Variants in ATP2C2 observed in about 807,000 individuals in gnomAD.
ATP2C2 encodes the protein ATPase secretory pathway Ca2+ transporting 2.
A neutral mutation model predicts 110.8 loss-of-function variants in ATP2C2; 171 were observed. The observed-to-expected ratio is 1.54, with a 90% CI of 1.36 to 1.75. ATP2C2 has a LOEUF of 1.75. Among genes scored for constraint, ATP2C2 ranks in the 40% most tolerant of loss-of-function variants. The pLI is 0.00. For synonymous variants in ATP2C2, 804 were observed against 508.4 expected, an observed-to-expected ratio of 1.58 and a Z score of -7.82; for missense variants, 1,963 against 1,235.0, an observed-to-expected ratio of 1.59 and a Z score of -8.84.
intron 15 of ATP2C2, among the ~76,000 whole-genome samples, chr16:84,443,701 C>G (rs193269096): frequency 1.4e-3 from 206 of 152,284 alleles, no homozygotes; most frequent in African/African-American, 4.9e-3. Context: ...CACTGAGCAC[C>G]AGGGCTCACT....
intron 11 of ATP2C2, among the ~76,000 whole-genome samples, chr16:84,437,554 T>C (rs1908854485): frequency 6.6e-6 from 1 of 150,798 alleles, no homozygotes; most frequent in African/African-American, 2.5e-5. Context: ...TCTCACTCTG[T>C]CACCAGGCTG....
chr16:84,433,706 C>A (rs1362502452), intron 11 of ATP2C2, among the ~76,000 whole-genome samples: 1 of 150,828 alleles, frequency 6.6e-6, no homozygotes, highest in Non-Finnish European at 1.5e-5. Context: ...ACACACACAC[C>A]CTCCTGCCAA....
At chr16:84,451,017 A>G (rs941315188) in intron 17 of ATP2C2, among the ~76,000 whole-genome samples, 1 of 152,114 alleles carries the variant, frequency 6.6e-6, no homozygotes. Flanking sequence ...GTGGTGTATT[A>G]GTTTATTTTC....
chr16:84,430,870 C>G (rs1264722757), intron 11 of ATP2C2, among the ~76,000 whole-genome samples: 1 of 152,046 alleles, frequency 6.6e-6, no homozygotes, highest in Non-Finnish European at 1.5e-5. Flanking sequence ...ACCACTGAAG[C>G]CTGATCCAAA....
At chr16:84,424,136 A>AG (rs1292538119) in intron 10 of ATP2C2, among the ~76,000 whole-genome samples, 1 of 152,230 alleles carries the variant, frequency 6.6e-6, no homozygotes, top group Non-Finnish European at 1.5e-5. Flanking sequence ...TCTAGTGATG[A>AG]GGGGGGTGCT....
intron 16 of ATP2C2, among the ~76,000 whole-genome samples, chr16:84,446,784 C>G (rs1055848850): frequency 3.3e-5 from 5 of 152,194 alleles, no homozygotes; most frequent in Non-Finnish European, 7.3e-5. Context: ...GATGCAGGTG[C>G]AAATGTTGAG....
At chr16:84,429,191 G>C (rs11641402) in intron 11 of ATP2C2, among the ~76,000 whole-genome samples, 55,412 of 151,846 alleles carry the variant, frequency 0.36, 10,272 homozygotes, top group South Asian at 0.4. Context: ...CACTCTTGTC[G>C]CCCAGGCTGG....
intron 4 of ATP2C2, among the ~76,000 whole-genome samples, chr16:84,408,830 T>G (rs910913302): frequency 6.6e-6 from 1 of 151,964 alleles, no homozygotes; most frequent in Non-Finnish European, 1.5e-5. Flanking sequence ...CTTTGATCCA[T>G]TACCGAGAGG....
intron 18 of ATP2C2, 130 bp from the exon 19 acceptor site, chr16:84,453,008 T>C (rs1376560758): frequency 6.8e-6 from 6 of 876,798 alleles, no homozygotes; most frequent in East Asian, 2.7e-5. Flanking sequence ...CCGTGCAGCA[T>C]GGTAGGTCCT....
At chr16:84,453,647 C>T (rs545973951) in intron 20 of ATP2C2, among the ~76,000 whole-genome samples, 2 of 152,220 alleles carry the variant, frequency 1.3e-5, no homozygotes, top group African/African-American at 4.8e-5. Flanking sequence ...AACACAGTCA[C>T]GGGCCCAGGT....
intron 11 of ATP2C2, among the ~76,000 whole-genome samples, chr16:84,427,233 G>A (rs1357836121): frequency 1.3e-5 from 2 of 152,084 alleles, no homozygotes; most frequent in Non-Finnish European, 2.9e-5. Flanking sequence ...AACCCATGAT[G>A]TAAACAAACT....
intron 11 of ATP2C2, chr16:84,426,096 T>C (rs1474710717): frequency 5.2e-6 from 2 of 382,084 alleles, no homozygotes; most frequent in East Asian, 9.8e-5. Flanking sequence ...ATTAAGAAAA[T>C]AGTTTAATTG....
intron 7 of ATP2C2, among the ~76,000 whole-genome samples, chr16:84,419,683 C>T (rs1567710817): frequency 2.6e-5 from 4 of 152,092 alleles, no homozygotes; most frequent in African/African-American, 9.7e-5. Context: ...ATCCACATCG[C>T]TCATTCATTC....
chr16:84,411,194 A>C (rs1906254396), intron 6 of ATP2C2, among the ~76,000 whole-genome samples: 1 of 152,190 alleles, frequency 6.6e-6, no homozygotes, highest in Non-Finnish European at 1.5e-5. Context: ...CATTGGCTGC[A>C]GCATAGGGTA....
In ATP2C2 at chr16:84,451,944, G is replaced by A. The variant is rs200318788; in HGVS notation, c.1684G>A (p.Glu562Lys). 1.1e-3 allele frequency: 1,776 copies of A among 1,613,978 alleles called. 2 individuals are homozygous for A. The highest frequency in any genetic ancestry group is 1.2e-3 in the Non-Finnish European group (1,473 of 1,179,988). ...LRVLALASGP[E>K]LGRLTFLGLV... ...AGTGCTGGCCCTGGCTTCTGGGCCC[G>A]AGCTGGGGCGGCTGACGTTTCTCGG... Residue 562 changes from glutamate (E) to lysine (K), a missense_variant, in exon 18 of 27, where the codon GAG becomes AAG. By Grantham distance (56) the Glu-to-Lys change is moderately conservative. Coordinates refer to ENST00000262429, the MANE Select transcript of ATP2C2 (RefSeq NM_014861.4).
chr16:84,413,852 T>A (rs1330360309), intron 6 of ATP2C2, among the ~76,000 whole-genome samples: 1 of 152,152 alleles, frequency 6.6e-6, no homozygotes, highest in African/African-American at 2.4e-5. Flanking sequence ...GAGCACCTAC[T>A]GTATGCCTGG....
At chr16:84,413,355 G>A (rs1276409953) in intron 6 of ATP2C2, among the ~76,000 whole-genome samples, 1 of 152,174 alleles carries the variant, frequency 6.6e-6, no homozygotes, top group African/African-American at 2.4e-5. Flanking sequence ...GGGCGTGTGT[G>A]TATAATACAA....
At chr16:84,396,662 C>G (rs375223750) in intron 1 of ATP2C2, among the ~76,000 whole-genome samples, 1 of 151,718 alleles carries the variant, frequency 6.6e-6, no homozygotes, top group Non-Finnish European at 1.5e-5. Context: ...CCCAGCCTGC[C>G]TCCACCTGTG....
rs768389337 is a variant in ATP2C2, at chr16:84,459,461, GC to G, written c.2333+79del. 8.1e-6 allele frequency: 13 copies of G among 1,603,350 alleles called. No homozygotes were observed. In the African/African-American group the frequency reaches 1.5e-4, roughly 18 times the overall value. On this transcript the variant is annotated intron_variant, in intron 23 of 26. Coordinates refer to ENST00000262429, the MANE Select transcript of ATP2C2 (RefSeq NM_014861.4). ...GCTTCCTCCAGGGGCTGCTGGCTGT[GC>G]CCCAAGGCTATAGGGATGAACAAAT...
Sources: gnomAD v4.1 joint callset for allele counts (sites outside exome capture counted in the v4.1 genomes callset) on GRCh38, gnomAD v4.1.1 for gene constraint, MANE v1.5 for transcripts, NCBI Gene and HGNC (gene_info 2026-07-23, HGNC 2026-07-21) for gene names.